The following CSNK1G3 variants were observed in gnomAD, a reference collection of about 807,000 sequenced individuals.
CSNK1G3 encodes casein kinase I isoform gamma-3.
In CSNK1G3, 23 loss-of-function variants were observed where a neutral mutation model predicts 64.3. The observed-to-expected ratio is 0.36, with a 90% CI of 0.26 to 0.51. CSNK1G3 has a LOEUF of 0.51. Ranked by LOEUF, CSNK1G3 falls within the 20% of genes least tolerant of loss-of-function variation. The pLI, the probability that CSNK1G3 is intolerant of heterozygous loss-of-function variation, is 0.96. For synonymous variants in CSNK1G3, 158 were observed against 162.2 expected (o/e 0.97, Z 0.20); for missense variants, 357 against 510.5 (o/e 0.70, Z 2.90).
intron 1 of CSNK1G3, among the ~76,000 whole-genome samples, chr5:123,521,873 C>A (rs1778166016): frequency 6.6e-6 from 1 of 151,860 alleles, no homozygotes; most frequent in Non-Finnish European, 1.5e-5. Context: ...AAAAAAAAGA[C>A]AGATGTTGGG....
At chr5:123,604,589 GTT>G (rs1795025358) in intron 10 of CSNK1G3, 133 bp from the exon 12 acceptor site, 4 of 498,940 alleles carry the variant, frequency 8.0e-6, no homozygotes, top group Admixed American at 7.4e-5. Flanking sequence ...ATTGTTTTGT[GTT>G]CCTCACATTA....
intron 4 of CSNK1G3, among the ~76,000 whole-genome samples, chr5:123,567,060 G>T (rs2150569855): frequency 1.3e-5 from 2 of 152,326 alleles, no homozygotes; most frequent in East Asian, 3.9e-4. Context: ...TCACAATCAT[G>T]GCGGAAGGTG....
At chr5:123,601,938 T>A (rs1334079963) in intron 10 of CSNK1G3, among the ~76,000 whole-genome samples, 1 of 152,176 alleles carries the variant, frequency 6.6e-6, no homozygotes, top group Non-Finnish European at 1.5e-5. Flanking sequence ...ACTTTGTGTC[T>A]CCTTTCCAAT....
chr5:123,570,756 G>T (rs954335501), intron 4 of CSNK1G3, among the ~76,000 whole-genome samples: 1 of 152,130 alleles, frequency 6.6e-6, no homozygotes, highest in Non-Finnish European at 1.5e-5. Flanking sequence ...CTGCATATCA[G>T]AAGTAACAAA....
intron 12 of CSNK1G3, among the ~76,000 whole-genome samples, chr5:123,607,227 C>G (rs555957844): frequency 6.6e-6 from 1 of 152,296 alleles, no homozygotes; most frequent in African/African-American, 2.4e-5. Context: ...TCTATTTTTG[C>G]AGCTCCGTTT....
At chr5:123,531,989 A>G (rs895644648) in intron 1 of CSNK1G3, among the ~76,000 whole-genome samples, 1 of 151,872 alleles carries the variant, frequency 6.6e-6, no homozygotes, top group African/African-American at 2.4e-5. Flanking sequence ...TTTTGAATCT[A>G]AAGCTTCTGT....
chr5:123,577,166 T>G (rs1789332395), intron 6 of CSNK1G3, among the ~76,000 whole-genome samples: 1 of 152,058 alleles, frequency 6.6e-6, no homozygotes, highest in South Asian at 2.1e-4. Flanking sequence ...GTGCAGCAAG[T>G]TCTTATAAAC....
intron 3 of CSNK1G3, among the ~76,000 whole-genome samples, chr5:123,554,515 A>G (rs1784269522): frequency 6.6e-6 from 1 of 152,226 alleles, no homozygotes; most frequent in Non-Finnish European, 1.5e-5. Flanking sequence ...TGAGCATGAA[A>G]TCAGAAAGAG....
chr5:123,614,416 C>A (rs376283062), exon 13 of CSNK1G3: 17 of 1,602,492 alleles, frequency 1.1e-5, no homozygotes, highest in African/African-American at 2.7e-5. Context: ...CAGACAGATC[C>A]TGGGGAGTTA....
intron 1 of CSNK1G3, among the ~76,000 whole-genome samples, chr5:123,535,242 C>T (rs1048485756): frequency 6.6e-6 from 1 of 152,042 alleles, no homozygotes; most frequent in East Asian, 1.9e-4. Flanking sequence ...AACAAATTAG[C>T]GTGGATTCCT....
intron 6 of CSNK1G3, among the ~76,000 whole-genome samples, chr5:123,577,185 C>G (rs1344546573): frequency 6.6e-6 from 1 of 152,006 alleles, no homozygotes. Context: ...ACAAACTCAT[C>G]TTGTAGTTTC....
At chr5:123,574,408 G>A (rs1561550516) in intron 5 of CSNK1G3, among the ~76,000 whole-genome samples, 8 of 152,154 alleles carry the variant, frequency 5.3e-5, no homozygotes, top group Admixed American at 2.6e-4. Context: ...AGCTTTATAT[G>A]AAAGGATGTT....
exon 8 of CSNK1G3, chr5:123,588,466 A>C: frequency 6.2e-7 from 1 of 1,613,184 alleles, no homozygotes; most frequent in Non-Finnish European, 8.5e-7. Context: ...AATTGGAGAT[A>C]CAAAACGGGC....
chr5:123,606,446 G>A (rs1283889325), intron 12 of CSNK1G3, among the ~76,000 whole-genome samples: 2 of 152,124 alleles, frequency 1.3e-5, no homozygotes, highest in Non-Finnish European at 2.9e-5. Flanking sequence ...GTTAGACATA[G>A]GTTATAGAAT....
intron 2 of CSNK1G3, 57 bp from the exon 3 acceptor site, chr5:123,553,050 A>ATAAT: frequency 1.0e-6 from 1 of 957,704 alleles, no homozygotes. Context: ...ACAGTTTTAT[A>ATAAT]TAATGTATCT....
intron 6 of CSNK1G3, among the ~76,000 whole-genome samples, chr5:123,577,372 C>A (rs765751847): frequency 6.6e-6 from 1 of 152,038 alleles, no homozygotes; most frequent in Non-Finnish European, 1.5e-5. Context: ...TATGTATATA[C>A]ATACACACAT....
chr5:123,569,689 G>A (rs1444803750), intron 4 of CSNK1G3, among the ~76,000 whole-genome samples: 2 of 152,044 alleles, frequency 1.3e-5, no homozygotes, highest in Non-Finnish European at 2.9e-5. Flanking sequence ...TTTATTATTG[G>A]TAATAAATGT....
chr5:123,561,609 A>G (rs960306453), intron 4 of CSNK1G3, among the ~76,000 whole-genome samples: 1 of 152,150 alleles, frequency 6.6e-6, no homozygotes, highest in African/African-American at 2.4e-5. Flanking sequence ...ACAGGAGGGA[A>G]GGAGGAAGAA....
intron 4 of CSNK1G3, among the ~76,000 whole-genome samples, chr5:123,568,458 A>G (rs1414599436): frequency 2.6e-5 from 4 of 152,172 alleles, no homozygotes; most frequent in Non-Finnish European, 1.5e-5. Context: ...AAAATAAGAG[A>G]AGATGACACT....
Sources: allele counts gnomAD v4.1 joint callset (sites outside exome capture counted in the v4.1 genomes callset), GRCh38; gene constraint gnomAD v4.1.1; transcripts MANE v1.5; gene names NCBI Gene and HGNC (gene_info 2026-07-23, HGNC 2026-07-21).